The following ATXN1 variants were observed in gnomAD, a reference collection of about 807,000 sequenced individuals.
ATXN1 encodes ataxin-1.
Under a neutral mutation model 56.4 loss-of-function variants are expected in ATXN1, and 8 were observed. That is an observed-to-expected ratio of 0.14 (90% confidence interval 0.08 to 0.26). ATXN1 has a LOEUF of 0.26. ATXN1 is among the 10% of genes least tolerant of loss of function. The pLI, the probability that ATXN1 is intolerant of heterozygous loss-of-function variation, is 1.00. For synonymous variants in ATXN1, 514 were observed against 494.6 expected, an observed-to-expected ratio of 1.04 and a Z score of -0.52; for missense variants, 987 against 1,106.5, an observed-to-expected ratio of 0.89 and a Z score of 1.53.
At chr6:16,479,246 A>T (rs948653457) in intron 6 of ATXN1, among the ~76,000 whole-genome samples, 9 of 152,228 alleles carry the variant, frequency 5.9e-5, no homozygotes, top group African/African-American at 2.2e-4. Flanking sequence ...TTTCTCTAAC[A>T]TAGGTTTGAA....
At chr6:16,740,888 C>T (rs1052761553) in intron 2 of ATXN1, among the ~76,000 whole-genome samples, 3 of 152,182 alleles carry the variant, frequency 2.0e-5, no homozygotes, top group African/African-American at 4.8e-5. Flanking sequence ...GGGAATTGCA[C>T]ATACCCAAGG....
At chr6:16,346,873 G>A (rs1349859456) in intron 6 of ATXN1, among the ~76,000 whole-genome samples, 3 of 152,246 alleles carry the variant, frequency 2.0e-5, no homozygotes, top group African/African-American at 4.8e-5. Flanking sequence ...CTTGCGCGGA[G>A]GTGTGGAAGG....
At chr6:16,323,067 G>A (rs1395953983) in intron 7 of ATXN1, among the ~76,000 whole-genome samples, 1 of 152,196 alleles carries the variant, frequency 6.6e-6, no homozygotes, top group Non-Finnish European at 1.5e-5. Flanking sequence ...CTGCACCCTG[G>A]CTGTCAGTAG....
At chr6:16,462,199 CCT>C (rs1385265445) in intron 6 of ATXN1, among the ~76,000 whole-genome samples, 1 of 152,158 alleles carries the variant, frequency 6.6e-6, no homozygotes, top group African/African-American at 2.4e-5. Flanking sequence ...ACTCAGTAAT[CCT>C]CTCTACCCCC....
chr6:16,616,740 C>G (rs974927953), intron 3 of ATXN1, among the ~76,000 whole-genome samples: 1 of 148,732 alleles, frequency 6.7e-6, no homozygotes, highest in African/African-American at 2.5e-5. Flanking sequence ...CACACACTTA[C>G]ATAGACATAC....
At position 16,760,174 on chromosome 6, in the gene ATXN1, C is replaced by T. The variant is rs985472959; in HGVS notation, c.-730+1124G>A. On this transcript the variant is annotated intron_variant, in intron 1 of 7. Transcript: ENST00000436367. The surrounding 1 kb of genome is among the most constrained non-coding windows in gnomAD (Gnocchi z 5.3). ...CCCGGGAGTGGCAGAGTCTCCGGCC[C>T]GGCCCAGAGTGAACGAGCAGTGGGG... Among the ~76,000 whole-genome samples, 33 of 152,064 alleles carry T rather than the reference C, an allele frequency of 2.2e-4. No homozygotes were observed. Among genetic ancestry groups the T allele is most frequent in the African/African-American group, 6.7e-4 (28 of 41,516 alleles).
intron 6 of ATXN1, among the ~76,000 whole-genome samples, chr6:16,363,521 G>A (rs1335386717): frequency 1.3e-5 from 2 of 152,198 alleles, no homozygotes; most frequent in Admixed American, 1.3e-4. Context: ...AATAAGAAAA[G>A]TTGATGCTCT....
In ATXN1 at chr6:16,761,138, G is replaced by A. The variant is rs1021528410; in HGVS notation, c.-730+160C>T. ...GATTTCCTTCGCTCCTCTTCCAGCT[G>A]TTTTCCGTGCAGCCGATTGGGGTTT... On this transcript the variant is annotated intron_variant, in intron 1 of 7. Coordinates refer to ENST00000436367, the MANE Select transcript of ATXN1 (RefSeq NM_001128164.2). The A allele has an allele frequency of 8.2e-6, 3 of 367,602 alleles. No homozygotes were observed. The Admixed American group carries it at 1.1e-4, about 13-fold the overall frequency. The allele number at this position is 367,602 out of a possible 1,614,324, so 22.8% of individuals were successfully genotyped here.
chr6:16,562,102 A>G (rs1480345808), intron 4 of ATXN1, among the ~76,000 whole-genome samples: 1 of 152,154 alleles, frequency 6.6e-6, no homozygotes, highest in Non-Finnish European at 1.5e-5. Flanking sequence ...AGGCTGATGC[A>G]GTGGCTCACA....
intron 2 of ATXN1, among the ~76,000 whole-genome samples, chr6:16,664,986 T>C (rs904123171): frequency 6.6e-5 from 10 of 152,160 alleles, no homozygotes; most frequent in Non-Finnish European, 7.4e-5. Context: ...ACAAAAAAGT[T>C]AGTGACAAGA....
chr6:16,365,141 T>C (rs179966), intron 6 of ATXN1, among the ~76,000 whole-genome samples: 122,283 of 152,082 alleles, frequency 0.8, 49,542 homozygotes, highest in East Asian at 1. Context: ...ACATGTGCCA[T>C]AGCAGAGCAA....
chr6:16,727,553 T>C lies in ATXN1; in HGVS notation c.-615+25680A>G, dbSNP rs529010750. ...TCAAAATGATCATCAAATTACTTAA[T>C]GAATAGACTAAGAGAGCTTATATAA... On this transcript the variant is annotated intron_variant, in intron 2 of 7. Transcript: ENST00000436367. Among the ~76,000 whole-genome samples, 3 of 152,276 alleles carry C rather than the reference T, an allele frequency of 2.0e-5. No homozygotes were observed. The East Asian group carries it at 5.8e-4, about 29-fold the overall frequency.
chr6:16,632,258 C>A (rs1763517379), intron 3 of ATXN1, among the ~76,000 whole-genome samples: 1 of 152,174 alleles, frequency 6.6e-6, no homozygotes, highest in African/African-American at 2.4e-5. Flanking sequence ...GAGACACATC[C>A]TGAATCAGCC....
chr6:16,663,073 A>G (rs1315896815), intron 2 of ATXN1, among the ~76,000 whole-genome samples: 7 of 150,596 alleles, frequency 4.6e-5, no homozygotes, highest in African/African-American at 1.5e-4. Flanking sequence ...CCCGGGTTCA[A>G]GCGATTCTCC....
At chr6:16,463,120 T>C (rs796819562) in intron 6 of ATXN1, among the ~76,000 whole-genome samples, 17 of 152,268 alleles carry the variant, frequency 1.1e-4, no homozygotes, top group African/African-American at 4.1e-4. Context: ...CCAACACCCC[T>C]TTCCAGCCAC....
intron 4 of ATXN1, among the ~76,000 whole-genome samples, chr6:16,573,112 A>C (rs937978108): frequency 2.2e-4 from 34 of 152,162 alleles, no homozygotes; most frequent in Admixed American, 1.4e-3. Context: ...AAGTAGGCTG[A>C]CCTGGCCATT....
At chr6:16,505,053 C>T (rs1403898643) in intron 5 of ATXN1, among the ~76,000 whole-genome samples, 1 of 147,316 alleles carries the variant, frequency 6.8e-6, no homozygotes, top group African/African-American at 2.5e-5. Context: ...ATCATGGCTA[C>T]TGCCTTCTAC....
intron 4 of ATXN1, among the ~76,000 whole-genome samples, chr6:16,543,007 G>T (rs1761744554): frequency 6.6e-6 from 1 of 152,060 alleles, no homozygotes; most frequent in Admixed American, 6.5e-5. Context: ...CACCGAAGAT[G>T]GGGGGTGGGG....
intron 6 of ATXN1, among the ~76,000 whole-genome samples, chr6:16,374,862 A>G (rs1487374639): frequency 1.3e-5 from 2 of 152,238 alleles, no homozygotes; most frequent in African/African-American, 2.4e-5. Flanking sequence ...GCATTCTTAC[A>G]GTTTTCCAAG....
Sources: gnomAD v4.1 joint callset for allele counts (sites outside exome capture counted in the v4.1 genomes callset) on GRCh38, gnomAD v4.1.1 for gene constraint, Gnocchi (gnomAD v3.1) non-coding constraint, MANE v1.5 for transcripts, NCBI Gene and HGNC (gene_info 2026-07-23, HGNC 2026-07-21) for gene names.